SNTG1: variants seen among roughly 807,000 people sequenced by gnomAD.
SNTG1 encodes gamma-1-syntrophin.
SNTG1 carries 39 observed loss-of-function variants against 74.7 expected under a neutral mutation model. The observed-to-expected ratio is 0.52, with a 90% confidence interval of 0.40 to 0.68. SNTG1 has a LOEUF of 0.68. Among genes scored for constraint, SNTG1 ranks in the 30% least tolerant of loss-of-function variants. The pLI, the probability that SNTG1 is intolerant of heterozygous loss-of-function variation, is 0.00. For synonymous variants in SNTG1, 254 were observed against 217.1 expected (o/e 1.17, Z -1.49); for missense variants, 685 against 609.5 (o/e 1.12, Z -1.30).
chr8:50,516,794 G>A (rs2094137319), intron 9 of SNTG1, among the ~76,000 whole-genome samples: 1 of 152,208 alleles, frequency 6.6e-6, no homozygotes, highest in Admixed American at 6.5e-5. Context: ...ATGGGACTAT[G>A]TGAAAAGACC....
At position 50,125,642 on chromosome 8, in the gene SNTG1, C is replaced by T. The variant is rs758244533; in HGVS notation, c.-102-46919C>T. Among the ~76,000 whole-genome samples, 28 of 141,336 alleles carry T rather than the reference C, an allele frequency of 2.0e-4. 7 individuals carry two copies. The highest frequency in any genetic ancestry group is 5.3e-4 in the South Asian group (2 of 3,772). 92.7% of individuals were successfully genotyped at this position (141,336 alleles called of 152,430 possible). On this transcript the variant is annotated intron_variant, in intron 1 of 18. Coordinates refer to ENST00000642720, the MANE Select transcript of SNTG1 (RefSeq NM_018967.5). ...TTCACACTATGTCCTAAGAACGGTGCGAGCTCTGTGGATAGAAGGAAAAGA... is the reference window on the plus strand; with the variant it reads ...TTCACACTATGTCCTAAGAACGGTGTGAGCTCTGTGGATAGAAGGAAAAGA...
At chr8:49,974,616 T>A (rs557978701) in intron 1 of SNTG1, among the ~76,000 whole-genome samples, 30 of 152,324 alleles carry the variant, frequency 2.0e-4, no homozygotes, top group Non-Finnish European at 3.1e-4. Context: ...GCCAGATCAG[T>A]GATTTGTATA....
Position 50,328,363 on chromosome 8 carries a change from A to G in SNTG1, c.-27-65849A>G, listed in dbSNP as rs77049536. ...ATTTCACTCCACTCTTCTTGCTTAC[A>G]TGGTGTATTAGTTTTTTTTGATGCT... On this transcript the variant is annotated intron_variant, in intron 2 of 18. Transcript: ENST00000642720. Among the ~76,000 whole-genome samples, 129 of 151,580 alleles carry G rather than the reference A, an allele frequency of 8.5e-4. 1 individual carries two copies. In the East Asian group the frequency reaches 0.019, roughly 22 times the overall value.
chr8:50,633,336 A>C (rs984854968), intron 13 of SNTG1, among the ~76,000 whole-genome samples: 1 of 152,180 alleles, frequency 6.6e-6, no homozygotes, highest in Non-Finnish European at 1.5e-5. Flanking sequence ...TAAGAGATTT[A>C]TCTCTTTTCA....
At chr8:50,038,526 T>G (rs899357617) in intron 1 of SNTG1, among the ~76,000 whole-genome samples, 1 of 152,190 alleles carries the variant, frequency 6.6e-6, no homozygotes, top group African/African-American at 2.4e-5. Flanking sequence ...TGCATTCCTT[T>G]TATATTACTC....
chr8:50,629,985 G>A (rs963330035), intron 13 of SNTG1, among the ~76,000 whole-genome samples: 4 of 152,154 alleles, frequency 2.6e-5, no homozygotes, highest in Non-Finnish European at 1.5e-5. Flanking sequence ...GCCATTTGAT[G>A]TTTTTGTTCA....
At chr8:50,531,340 T>C (rs2094265775) in intron 10 of SNTG1, among the ~76,000 whole-genome samples, 2 of 152,168 alleles carry the variant, frequency 1.3e-5, no homozygotes, top group East Asian at 1.9e-4. Context: ...TTTTTTTTTT[T>C]TGCCAAAGAA....
intron 2 of SNTG1, among the ~76,000 whole-genome samples, chr8:50,338,157 A>G (rs1038504292): frequency 6.6e-6 from 1 of 152,016 alleles, no homozygotes; most frequent in African/African-American, 2.4e-5. Context: ...AAATAAAAAT[A>G]AATAAATAAA....
intron 13 of SNTG1, among the ~76,000 whole-genome samples, chr8:50,648,476 G>A (rs375230599): frequency 1.1e-4 from 16 of 152,018 alleles, no homozygotes; most frequent in East Asian, 9.7e-4. Context: ...TAGAAACCCT[G>A]ACTTAATTGA....
chr8:50,081,580 T>A (rs1822414463), intron 1 of SNTG1, among the ~76,000 whole-genome samples: 1 of 152,162 alleles, frequency 6.6e-6, no homozygotes, highest in South Asian at 2.1e-4. Flanking sequence ...ATATGGTGTC[T>A]TCCCACAGGT....
intron 1 of SNTG1, among the ~76,000 whole-genome samples, chr8:50,000,518 G>A (rs560959160): frequency 6.1e-4 from 93 of 152,172 alleles, no homozygotes; most frequent in African/African-American, 2.2e-3. Flanking sequence ...TGTAAAGGGT[G>A]TTTAAAGACT....
At chr8:50,005,096 T>C (rs1301370754) in intron 1 of SNTG1, among the ~76,000 whole-genome samples, 3 of 152,180 alleles carry the variant, frequency 2.0e-5, no homozygotes, top group Admixed American at 2.0e-4. Flanking sequence ...CTGTTACTAA[T>C]ATTTATAAAA....
At chr8:50,077,689 A>T (rs939815660) in intron 1 of SNTG1, among the ~76,000 whole-genome samples, 1 of 152,208 alleles carries the variant, frequency 6.6e-6, no homozygotes, top group Non-Finnish European at 1.5e-5. Context: ...ATTTTAGATC[A>T]CTTCCATCAT....
chr8:50,282,445 A>G (rs28827881), intron 2 of SNTG1, among the ~76,000 whole-genome samples: 34,648 of 152,104 alleles, frequency 0.23, 4,020 homozygotes, highest in South Asian at 0.34. Context: ...ATATGGGTAA[A>G]TTCCTTACCT....
At chr8:50,621,438 A>G (rs2094922864) in intron 13 of SNTG1, among the ~76,000 whole-genome samples, 1 of 152,206 alleles carries the variant, frequency 6.6e-6, no homozygotes, top group African/African-American at 2.4e-5. Flanking sequence ...TTTCCTTTTA[A>G]TATTTTGTTC....
intron 13 of SNTG1, among the ~76,000 whole-genome samples, chr8:50,602,514 T>C (rs1190750210): frequency 6.6e-6 from 1 of 152,230 alleles, no homozygotes; most frequent in Non-Finnish European, 1.5e-5. Flanking sequence ...ATTTAGTCTT[T>C]CTACTTAAGA....
chr8:50,617,630 A>C (rs2131022433), intron 13 of SNTG1, among the ~76,000 whole-genome samples: 1 of 152,310 alleles, frequency 6.6e-6, no homozygotes, highest in East Asian at 1.9e-4. Flanking sequence ...CTCCTGTCTC[A>C]AGAGCCGAGC....
chr8:50,323,522 C>T (rs1394012057), intron 2 of SNTG1, among the ~76,000 whole-genome samples: 3 of 152,140 alleles, frequency 2.0e-5, no homozygotes, highest in Non-Finnish European at 4.4e-5. Context: ...CCAAATAATG[C>T]TGTTGATTTT....
At chr8:50,710,016 G>A (rs72643685) in intron 17 of SNTG1, among the ~76,000 whole-genome samples, 1 of 152,252 alleles carries the variant, frequency 6.6e-6, no homozygotes, top group Non-Finnish European at 1.5e-5. Context: ...AGGCAGTGGG[G>A]GTTCTTGAGT....
Sources: allele counts gnomAD v4.1 joint callset (sites outside exome capture counted in the v4.1 genomes callset), GRCh38; gene constraint gnomAD v4.1.1; transcripts MANE v1.5; gene names NCBI Gene and HGNC (gene_info 2026-07-23, HGNC 2026-07-21).